Variants in CFAP299 observed in about 807,000 individuals in gnomAD.
CFAP299 encodes the protein cilia- and flagella-associated protein 299.
CFAP299 carries 21 observed loss-of-function variants against 27.0 expected under a neutral mutation model. The ratio of observed to expected loss-of-function variants is 0.78; its 90% confidence interval spans 0.55 to 1.12. The LOEUF (loss-of-function observed/expected upper bound fraction) is 1.12, where lower values mean the gene tolerates loss of function less well. CFAP299 is among the 50% of genes most tolerant of loss of function. The pLI is 0.00. For synonymous variants in CFAP299, 104 were observed against 98.1 expected (o/e 1.06, Z -0.36); for missense variants, 310 against 276.6 (o/e 1.12, Z -0.86).
intron 4 of CFAP299, among the ~76,000 whole-genome samples, chr4:80,874,579 C>G (rs1185320625): frequency 6.6e-6 from 1 of 152,158 alleles, no homozygotes; most frequent in East Asian, 1.9e-4. Flanking sequence ...TTTGGTGAGG[C>G]CTCCTTTCTG....
rs534794641 is a variant in CFAP299, at chr4:80,783,218, G to A, written c.334-86775G>A. On this transcript the variant is annotated intron_variant, in intron 3 of 5. Transcript: ENST00000358105. ...GATGAAAGAGTGGTTGAAAAATAAA[G>A]TAAGACAGAAGCTTCAATCTCTTTT... is the stretch of plus-strand genomic sequence containing the variant. 3.9e-5 allele frequency among the ~76,000 whole-genome samples: 6 copies of A among 152,162 alleles called. No individual in the cohort carries two copies. In the East Asian group the frequency reaches 1.2e-3, roughly 29 times the overall value.
rs113113185 is a variant in CFAP299, at chr4:80,935,914, C to T, written c.477-8896C>T. On this transcript the variant is annotated intron_variant, in intron 4 of 5. Coordinates refer to ENST00000358105, the MANE Select transcript of CFAP299 (RefSeq NM_152770.3). ...AGTGGGTAAAGTACATGAACAGAGA[C>T]ACTTTACAAAAGTAGACATACATGC... Among the ~76,000 whole-genome samples, 12 of 152,200 alleles carry T rather than the reference C, an allele frequency of 7.9e-5. 1 individual carries two copies. The highest frequency in any genetic ancestry group is 2.9e-4 in the African/African-American group (12 of 41,544).
chr4:80,429,880 G>T (rs1727720223), intron 2 of CFAP299, among the ~76,000 whole-genome samples: 1 of 151,980 alleles, frequency 6.6e-6, no homozygotes, highest in Non-Finnish European at 1.5e-5. Context: ...AAAGGCACAA[G>T]GCTTAGGTAA....
intron 3 of CFAP299, among the ~76,000 whole-genome samples, chr4:80,852,365 G>C (rs1731574226): frequency 6.6e-6 from 1 of 152,132 alleles, no homozygotes; most frequent in South Asian, 2.1e-4. Flanking sequence ...CCTTTCAGGT[G>C]ATTCTTATGT....
At chr4:80,674,447 C>G (rs1719261407) in intron 3 of CFAP299, among the ~76,000 whole-genome samples, 1 of 152,074 alleles carries the variant, frequency 6.6e-6, no homozygotes, top group Non-Finnish European at 1.5e-5. Flanking sequence ...CTCTGGCTGC[C>G]CTTAACATTT....
chr4:80,502,065 T>C (rs1451249785), intron 2 of CFAP299, among the ~76,000 whole-genome samples: 1 of 152,060 alleles, frequency 6.6e-6, no homozygotes, highest in Middle Eastern at 3.2e-3. Flanking sequence ...TTTTATATTA[T>C]GAAATGCTTA....
intron 2 of CFAP299, among the ~76,000 whole-genome samples, chr4:80,568,206 G>A (rs1735407202): frequency 6.6e-6 from 1 of 151,716 alleles, no homozygotes; most frequent in Non-Finnish European, 1.5e-5. Context: ...TTTTATATAT[G>A]TGTATGCTTC....
chr4:80,373,045 A>G (rs1560535142), intron 2 of CFAP299, among the ~76,000 whole-genome samples: 1 of 152,180 alleles, frequency 6.6e-6, no homozygotes, highest in Admixed American at 6.5e-5. Context: ...AGGATTCAAC[A>G]TGGGGGTTGT....
chr4:80,343,520 T>A (rs1374285144), intron 1 of CFAP299, among the ~76,000 whole-genome samples: 1 of 152,208 alleles, frequency 6.6e-6, no homozygotes, highest in Non-Finnish European at 1.5e-5. Context: ...CTGGGCATGG[T>A]GGCTCACGCC....
intron 2 of CFAP299, among the ~76,000 whole-genome samples, chr4:80,499,306 C>G (rs143919820): frequency 1.6e-4 from 25 of 152,056 alleles, no homozygotes; most frequent in Middle Eastern, 3.2e-3. Flanking sequence ...ATCTTTTTCT[C>G]GAACATAATT....
At chr4:80,652,123 A>C (rs1740335480) in intron 3 of CFAP299, among the ~76,000 whole-genome samples, 3 of 152,042 alleles carry the variant, frequency 2.0e-5, no homozygotes, top group African/African-American at 7.3e-5. Context: ...CAGGGGTGAC[A>C]ATAAATGTTT....
At chr4:80,718,974 G>C (rs1722654440) in intron 3 of CFAP299, among the ~76,000 whole-genome samples, 1 of 152,104 alleles carries the variant, frequency 6.6e-6, no homozygotes, top group Non-Finnish European at 1.5e-5. Context: ...AAAAGAACAA[G>C]ATCCTGTCCT....
At chr4:80,922,518 T>A (rs1168729677) in intron 4 of CFAP299, among the ~76,000 whole-genome samples, 1 of 152,062 alleles carries the variant, frequency 6.6e-6, no homozygotes, top group African/African-American at 2.4e-5. Flanking sequence ...TTTTTCAAAA[T>A]AATTTCTAGT....
At chr4:80,430,808 C>G (rs924204484) in intron 2 of CFAP299, among the ~76,000 whole-genome samples, 1 of 152,210 alleles carries the variant, frequency 6.6e-6, no homozygotes, top group African/African-American at 2.4e-5. Flanking sequence ...CTCAGCACAT[C>G]TCTATCTAAT....
intron 3 of CFAP299, among the ~76,000 whole-genome samples, chr4:80,765,050 G>A (rs1033145692): frequency 1.5e-4 from 23 of 151,892 alleles, no homozygotes; most frequent in African/African-American, 5.3e-4. Flanking sequence ...GGTAACAAAC[G>A]TGCACATTCT....
At chr4:80,418,031 TCA>T (rs1228150304) in intron 2 of CFAP299, among the ~76,000 whole-genome samples, 4 of 152,156 alleles carry the variant, frequency 2.6e-5, no homozygotes, top group Admixed American at 1.3e-4. Flanking sequence ...TATTTGTAAA[TCA>T]CACAGTCTGT....
Position 80,348,102 on chromosome 4 carries a change from A to C in CFAP299, c.111+12223A>C, listed in dbSNP as rs1722831018. 3.3e-5 allele frequency among the ~76,000 whole-genome samples: 5 copies of C among 152,210 alleles called. 1 individual carries two copies. In the South Asian group the frequency reaches 1.0e-3, roughly 31 times the overall value. On this transcript the variant is annotated intron_variant, in intron 1 of 5. Coordinates refer to ENST00000358105, the MANE Select transcript of CFAP299 (RefSeq NM_152770.3). ...AGAACTGGTTAGTTATATGCAGAAA[A>C]ATTGAAACTGGATCCCCTCTGTACA...
intron 2 of CFAP299, among the ~76,000 whole-genome samples, chr4:80,433,951 A>G (rs200485269): frequency 2.0e-5 from 3 of 152,200 alleles, no homozygotes; most frequent in Non-Finnish European, 4.4e-5. Context: ...TAACACATTT[A>G]TAGTGTCATA....
At chr4:80,886,278 C>T (rs1263356479) in intron 4 of CFAP299, among the ~76,000 whole-genome samples, 1 of 152,214 alleles carries the variant, frequency 6.6e-6, no homozygotes, top group African/African-American at 2.4e-5. Flanking sequence ...CCTGGGGAAA[C>T]TCTTTACTTT....
Sources: gnomAD v4.1 joint callset for allele counts (sites outside exome capture counted in the v4.1 genomes callset) on GRCh38, gnomAD v4.1.1 for gene constraint, MANE v1.5 for transcripts, NCBI Gene and HGNC (gene_info 2026-07-23, HGNC 2026-07-21) for gene names.